Variants in ZNF124 observed in about 807,000 individuals in gnomAD.
ZNF124 encodes zinc finger protein 124.
ZNF124 carries 25 observed loss-of-function variants against 26.6 expected under a neutral mutation model. That is an observed-to-expected ratio of 0.94 (90% CI 0.68 to 1.31). ZNF124 has a LOEUF of 1.31. ZNF124 is among the 40% of genes most tolerant of loss of function. The probability of loss-of-function intolerance (pLI) is 0.00; values close to 1 mark genes in which losing one functional copy is unlikely to be tolerated. For synonymous variants in ZNF124, 129 were observed against 133.3 expected (o/e 0.97, Z 0.22); for missense variants, 444 against 422.2 (o/e 1.05, Z -0.45).
At position 247,157,113 on chromosome 1, in the gene ZNF124, C is replaced by A; in HGVS notation, c.509G>T (p.Arg170Met). 1 of 1,613,996 alleles carries A rather than the reference C, an allele frequency of 6.2e-7. No homozygotes were observed. Among genetic ancestry groups the A allele is most frequent in the Non-Finnish European group, 8.5e-7 (1 of 1,179,984 alleles). Reference sequence around the variant, plus strand: ...ATAGCGTTTTTCTCCAGTGTGAATCCTTTTATGTCTATTAAGAGAACGGGA... The same window carrying A: ...ATAGCGTTTTTCTCCAGTGTGAATCATTTTATGTCTATTAAGAGAACGGGA... ...GFSRSLNRHK[R>M]IHTGEKRYEC... Residue 170 changes from arginine to methionine, a missense_variant, in exon 4 of 4, where the codon AGG becomes ATG. Transcript: ENST00000543802.
At chr1:247,133,385 G>A (rs6677256) in intron 3 of ZNF124, among the ~76,000 whole-genome samples, 7,907 of 152,194 alleles carry the variant, frequency 0.052, 249 homozygotes, top group African/African-American at 0.082. Flanking sequence ...TTAGCCAGGA[G>A]AACTTCCCCA....
chr1:247,141,057 G>A (rs188840297), intron 3 of ZNF124, among the ~76,000 whole-genome samples: 1 of 152,218 alleles, frequency 6.6e-6, no homozygotes, highest in East Asian at 1.9e-4. Flanking sequence ...GTCTCCTGGG[G>A]GCTCCACCCA....
intron 3 of ZNF124, among the ~76,000 whole-genome samples, chr1:247,148,173 G>A (rs1470421851): frequency 6.6e-6 from 1 of 152,144 alleles, no homozygotes. Flanking sequence ...CATTTAGACT[G>A]CTCCTTTCAA....
At chr1:247,143,915 G>C (rs1672694193) in intron 3 of ZNF124, among the ~76,000 whole-genome samples, 1 of 152,166 alleles carries the variant, frequency 6.6e-6, no homozygotes, top group African/African-American at 2.4e-5. Flanking sequence ...CGTAGCCTCA[G>C]ACAGCTAGGC....
At chr1:247,145,914 C>T (rs112759682) in intron 3 of ZNF124, among the ~76,000 whole-genome samples, 2,230 of 152,322 alleles carry the variant, frequency 0.015, 51 homozygotes, top group African/African-American at 0.05. Context: ...TGAGCCACTG[C>T]GCCCGGCCAA....
Position 247,156,426 on chromosome 1 carries a change from G to C in ZNF124, c.*140C>G. 1.5e-6 allele frequency: 2 copies of C among 1,333,878 alleles called. No individual in the cohort carries two copies. The highest frequency in any genetic ancestry group is 1.9e-6 in the Non-Finnish European group (2 of 1,043,504). The allele number at this position is 1,333,878 out of a possible 1,614,324, so 82.6% of individuals were successfully genotyped here. A position where few individuals can be genotyped will look rare whatever the true frequency, so the allele number is the denominator to read the frequency against. ...TTTACCTTATTGCTTATAGTCATAG[G>C]GTTTATCTCCAGTTTGATTCGTTTC... On this transcript the variant is annotated 3_prime_UTR_variant, in exon 4 of 4. Transcript: ENST00000543802.
chr1:247,154,305 T>C (rs1443433779), downstream of ZNF124, among the ~76,000 whole-genome samples: 1 of 152,194 alleles, frequency 6.6e-6, no homozygotes, highest in Admixed American at 6.5e-5. Context: ...TATAAGAATC[T>C]GGCATTTTCC....
intron 3 of ZNF124, 44 bp downstream of exon 3, chr1:247,158,962 A>G (rs775554309): frequency 1.9e-6 from 3 of 1,563,846 alleles, no homozygotes; most frequent in Non-Finnish European, 2.6e-6. Context: ...ATATACTACA[A>G]TTGACCCCAA....
chr1:247,145,731 C>T (rs995397528), intron 3 of ZNF124, among the ~76,000 whole-genome samples: 6 of 151,774 alleles, frequency 4.0e-5, no homozygotes, highest in Admixed American at 1.3e-4. Context: ...TGGGTTCAAG[C>T]GATTCTCCTG....
intron 3 of ZNF124, among the ~76,000 whole-genome samples, chr1:247,148,131 C>G (rs1292614327): frequency 2.6e-5 from 4 of 152,196 alleles, no homozygotes; most frequent in Non-Finnish European, 5.9e-5. Flanking sequence ...TCATTCTTTC[C>G]TACTTTGGCT....
chr1:247,166,597 G>T (rs1210746307), intron 1 of ZNF124, among the ~76,000 whole-genome samples: 1 of 152,028 alleles, frequency 6.6e-6, no homozygotes, highest in East Asian at 1.9e-4. Context: ...ACATATAAAA[G>T]AAATCTGTGT....
intron 3 of ZNF124, 146 bp downstream of exon 3, chr1:247,158,860 C>G: frequency 1.5e-6 from 1 of 670,982 alleles, no homozygotes; most frequent in Non-Finnish European, 2.5e-6. Context: ...AACTCCTGAC[C>G]TCAGGTGATC....
intron 1 of ZNF124, among the ~76,000 whole-genome samples, chr1:247,165,997 G>A (rs1275659923): frequency 6.6e-6 from 1 of 152,090 alleles, no homozygotes; most frequent in African/African-American, 2.4e-5. Flanking sequence ...GGACAATATA[G>A]TGAGACATTG....
intron 1 of ZNF124, among the ~76,000 whole-genome samples, chr1:247,166,541 A>G (rs1319762639): frequency 6.6e-6 from 1 of 152,224 alleles, no homozygotes; most frequent in Non-Finnish European, 1.5e-5. Flanking sequence ...AACCTAAAAT[A>G]AACATTTACA....
chr1:247,137,956 T>C (rs940241852), intron 3 of ZNF124, among the ~76,000 whole-genome samples: 1 of 152,022 alleles, frequency 6.6e-6, no homozygotes, highest in East Asian at 1.9e-4. Flanking sequence ...CAGGAAACAA[T>C]AGATGTTGGT....
At chr1:247,128,715 C>T (rs1348420434) in intron 3 of ZNF124, among the ~76,000 whole-genome samples, 1 of 149,314 alleles carries the variant, frequency 6.7e-6, no homozygotes, top group African/African-American at 2.5e-5. Context: ...AGAATTTCTG[C>T]CCTCTGGATT....
intron 3 of ZNF124, among the ~76,000 whole-genome samples, chr1:247,125,977 T>TAA (rs140804926): frequency 0.34 from 51,122 of 151,848 alleles, 9,304 homozygotes; most frequent in African/African-American, 0.48. Flanking sequence ...CTAGAAAATG[T>TAA]AATAGTCCAG....
chr1:247,131,986 C>G (rs758121956), intron 3 of ZNF124, among the ~76,000 whole-genome samples: 16 of 152,322 alleles, frequency 1.1e-4, no homozygotes, highest in East Asian at 1.9e-4. Flanking sequence ...GACCCTCCAA[C>G]AGGGGTTGTC....
chr1:247,170,895 T>G (rs1674081633), intron 1 of ZNF124, among the ~76,000 whole-genome samples: 2 of 115,160 alleles, frequency 1.7e-5, no homozygotes, highest in African/African-American at 8.7e-5. Flanking sequence ...CCGGGCTGTC[T>G]GCCTGTGGAT....
Sources: gnomAD v4.1 joint callset for allele counts (sites outside exome capture counted in the v4.1 genomes callset) on GRCh38, gnomAD v4.1.1 for gene constraint, MANE v1.5 for transcripts, NCBI Gene and HGNC (gene_info 2026-07-23, HGNC 2026-07-21) for gene names.